CLIC5: variants seen among roughly 807,000 people sequenced by gnomAD.
CLIC5 encodes the protein CLIC family member 5.
A neutral mutation model predicts 24.7 loss-of-function variants in CLIC5; 20 were observed. The ratio of observed to expected loss-of-function variants is 0.81; its 90% CI spans 0.57 to 1.18. The LOEUF is 1.18. Among genes scored for constraint, CLIC5 ranks in the 50% most tolerant of loss-of-function variants. The pLI is 0.00. For synonymous variants in CLIC5, 159 were observed against 135.6 expected (o/e 1.17, Z -1.20); for missense variants, 341 against 326.1 (o/e 1.05, Z -0.35).
chr6:46,053,470 G>A (rs1329148986), intron 1 of CLIC5, among the ~76,000 whole-genome samples: 1 of 152,188 alleles, frequency 6.6e-6, no homozygotes, highest in East Asian at 1.9e-4. Context: ...GTATGTAGGT[G>A]GAAGAGTGAT....
intron 1 of CLIC5, among the ~76,000 whole-genome samples, chr6:45,958,443 T>TACACACACACACACACACACACACAC (rs1283521914): frequency 0.026 from 1,434 of 55,540 alleles, 103 homozygotes; most frequent in African/African-American, 0.048. Flanking sequence ...TATATATATA[T>TACACACACACACACACACACACACAC]ATATATATAT....
At chr6:45,912,199 T>A in intron 5 of CLIC5, 1 of 986,664 alleles carries the variant, frequency 1.0e-6, no homozygotes, top group South Asian at 4.7e-5. Context: ...TCGCTCTTTG[T>A]GAACTTTAGA....
At chr6:45,912,435 C>T in intron 5 of CLIC5, 1 of 1,170,200 alleles carries the variant, frequency 8.5e-7, no homozygotes, top group Non-Finnish European at 1.1e-6. Context: ...TTGGGAGATT[C>T]ATTTGTTTGC....
intron 4 of CLIC5, among the ~76,000 whole-genome samples, chr6:45,915,525 T>C (rs945668542): frequency 1.3e-5 from 2 of 152,064 alleles, no homozygotes; most frequent in Non-Finnish European, 2.9e-5. Flanking sequence ...CTTGGGTTAC[T>C]CTAGGGAAGC....
intron 1 of CLIC5, among the ~76,000 whole-genome samples, chr6:46,044,861 G>T (rs1767911589): frequency 6.6e-6 from 1 of 152,144 alleles, no homozygotes; most frequent in Non-Finnish European, 1.5e-5. Context: ...AATGTATCTT[G>T]ATCCATCACC....
At chr6:45,977,810 T>G (rs1319676293) in intron 1 of CLIC5, among the ~76,000 whole-genome samples, 1 of 152,236 alleles carries the variant, frequency 6.6e-6, no homozygotes, top group African/African-American at 2.4e-5. Context: ...TTCAGACTAC[T>G]TCTATTAGAA....
chr6:45,966,634 C>T (rs568387939), intron 1 of CLIC5, among the ~76,000 whole-genome samples: 3 of 152,268 alleles, frequency 2.0e-5, no homozygotes, highest in East Asian at 1.9e-4. Flanking sequence ...GCACTTAGGA[C>T]GTTGTTTCTC....
intron 3 of CLIC5, among the ~76,000 whole-genome samples, chr6:45,944,444 T>A (rs1378152172): frequency 1.3e-5 from 2 of 151,308 alleles, no homozygotes; most frequent in Non-Finnish European, 2.9e-5. Flanking sequence ...TGCTAACTCC[T>A]GATCTAACTG....
intron 1 of CLIC5, among the ~76,000 whole-genome samples, chr6:46,023,396 T>C (rs1386208996): frequency 6.6e-6 from 1 of 152,120 alleles, no homozygotes; most frequent in Non-Finnish European, 1.5e-5. Flanking sequence ...ATGTGGATAG[T>C]TATAAACAAC....
At chr6:46,015,863 T>G, upstream of CLIC5, 1 of 1,075,572 alleles carries the variant, frequency 9.3e-7, no homozygotes. Context: ...CTGTCAGCGA[T>G]CCCGCCGCCG....
chr6:45,995,499 C>G (rs1010738350), intron 1 of CLIC5, among the ~76,000 whole-genome samples: 2 of 152,204 alleles, frequency 1.3e-5, no homozygotes, highest in African/African-American at 4.8e-5. Context: ...CCCAGCAACT[C>G]AAGATAATTC....
chr6:45,882,664 A>C (rs1762273420), intron 6 of CLIC5, among the ~76,000 whole-genome samples: 2 of 152,248 alleles, frequency 1.3e-5, no homozygotes, highest in South Asian at 4.1e-4. Context: ...TAAAATTAGA[A>C]TGCTCCTTAT....
At chr6:45,885,278 T>A (rs1429490663) in intron 6 of CLIC5, among the ~76,000 whole-genome samples, 1 of 152,148 alleles carries the variant, frequency 6.6e-6, no homozygotes, top group Admixed American at 6.5e-5. Context: ...CAATGAGAAG[T>A]CAGCCTTCCA....
chr6:45,992,828 G>C (rs1373743624), intron 1 of CLIC5, among the ~76,000 whole-genome samples: 1 of 152,174 alleles, frequency 6.6e-6, no homozygotes, highest in East Asian at 1.9e-4. Flanking sequence ...TAAAAAGAGT[G>C]TAATTTTGTA....
intron 5 of CLIC5, among the ~76,000 whole-genome samples, chr6:45,913,463 A>G (rs1212113666): frequency 2.0e-5 from 3 of 152,202 alleles, no homozygotes; most frequent in African/African-American, 7.2e-5. Context: ...CAATGATTTA[A>G]TAATCAGAGC....
intron 1 of CLIC5, among the ~76,000 whole-genome samples, chr6:46,034,384 G>T (rs1383628293): frequency 6.6e-6 from 1 of 152,190 alleles, no homozygotes; most frequent in Non-Finnish European, 1.5e-5. Context: ...GTATCCCTGA[G>T]CTGGGAAATA....
At chr6:45,925,792 T>C (rs1002188678) in intron 4 of CLIC5, among the ~76,000 whole-genome samples, 13 of 152,178 alleles carry the variant, frequency 8.5e-5, no homozygotes, top group African/African-American at 3.1e-4. Flanking sequence ...ACAGTTCCCT[T>C]TCTTTGTATA....
chr6:46,075,073 A>G (rs950105216), intron 1 of CLIC5, among the ~76,000 whole-genome samples: 1 of 152,234 alleles, frequency 6.6e-6, no homozygotes, highest in African/African-American at 2.4e-5. Context: ...AGGCTCCTAT[A>G]TATTGACATT....
the CLIC5 span, among the ~76,000 whole-genome samples, chr6:46,108,675 G>A: frequency 1.7e-4 from 26 of 152,130 alleles, no homozygotes; most frequent in Non-Finnish European, 2.9e-5. Flanking sequence ...TGAGATTACA[G>A]GTGTGAGCCA....
Sources: gnomAD v4.1 joint callset for allele counts (sites outside exome capture counted in the v4.1 genomes callset) on GRCh38, gnomAD v4.1.1 for gene constraint, MANE v1.5 for transcripts, NCBI Gene and HGNC (gene_info 2026-07-23, HGNC 2026-07-21) for gene names.